Variants in FAM227B observed in about 807,000 individuals in gnomAD.
The protein encoded by FAM227B is family with sequence similarity 227 member B.
A neutral mutation model predicts 73.8 loss-of-function variants in FAM227B; 88 were observed. That is an observed-to-expected ratio of 1.19 (90% CI 1.00 to 1.42). The LOEUF is 1.42. FAM227B is among the 40% of genes most tolerant of loss of function. FAM227B has a pLI of 0.00. For missense variants in FAM227B, 632 were observed against 590.9 expected (o/e 1.07, Z -0.72); for synonymous variants, 210 against 190.5 (o/e 1.10, Z -0.84).
intron 10 of FAM227B, among the ~76,000 whole-genome samples, chr15:49,515,469 T>C (rs1213242586): frequency 6.6e-6 from 1 of 152,224 alleles, no homozygotes; most frequent in African/African-American, 2.4e-5. Flanking sequence ...ATTCTGTTGA[T>C]TGCTTTTTCG....
At chr15:49,589,661 C>A (rs1360670661) in intron 4 of FAM227B, 115 bp downstream of exon 4, 5 of 676,528 alleles carry the variant, frequency 7.4e-6, no homozygotes, top group South Asian at 1.8e-5. Flanking sequence ...GCCTGTAATT[C>A]CAACACTTTT....
chr15:49,596,426 C>T (rs2153286241), intron 3 of FAM227B, among the ~76,000 whole-genome samples: 1 of 151,902 alleles, frequency 6.6e-6, no homozygotes, highest in South Asian at 2.1e-4. Context: ...GAGAGACTAC[C>T]AAGCCAGCAC....
chr15:49,396,729 AG>A (rs993181900), intron 11 of FAM227B, among the ~76,000 whole-genome samples: 4 of 148,948 alleles, frequency 2.7e-5, no homozygotes, highest in African/African-American at 9.7e-5. Context: ...ACCCCCCAGC[AG>A]GGGCACACTG....
At chr15:49,602,118 T>A (rs1339219499) in intron 3 of FAM227B, among the ~76,000 whole-genome samples, 1 of 152,186 alleles carries the variant, frequency 6.6e-6, no homozygotes, top group Non-Finnish European at 1.5e-5. Context: ...AGTGCAGATA[T>A]CTCTTTGACA....
chr15:49,615,083 C>A (rs748372086), intron 2 of FAM227B, 38 bp downstream of exon 2: 1 of 1,585,980 alleles, frequency 6.3e-7, no homozygotes. Context: ...GAAATATAAC[C>A]TTTGTAAGTG....
intron 14 of FAM227B, 108 bp downstream of exon 14, chr15:49,335,311 C>A: frequency 1.5e-6 from 1 of 685,436 alleles, no homozygotes. Context: ...GATGCTCAGA[C>A]ATGACTCTCC....
At chr15:49,476,871 A>T (rs2055372446) in intron 11 of FAM227B, among the ~76,000 whole-genome samples, 1 of 151,998 alleles carries the variant, frequency 6.6e-6, no homozygotes, top group Admixed American at 6.6e-5. Flanking sequence ...CATCCTGGCT[A>T]ACACGGTGAA....
chr15:49,422,990 A>C (rs1217216748), intron 11 of FAM227B: 2 of 292,712 alleles, frequency 6.8e-6, no homozygotes, highest in African/African-American at 4.3e-5. Context: ...CTATATTGCA[A>C]AGAAGGTTTA....
intron 8 of FAM227B, 41 bp from the exon 9 acceptor site, chr15:49,568,387 A>T (rs2074829178): frequency 4.7e-6 from 7 of 1,488,934 alleles, no homozygotes; most frequent in Non-Finnish European, 6.5e-6. Flanking sequence ...ATTACAATTT[A>T]AAACTGGAAT....
chr15:49,475,576 AAAT>A (rs2055184635), intron 11 of FAM227B, among the ~76,000 whole-genome samples: 1 of 152,074 alleles, frequency 6.6e-6, no homozygotes, highest in Admixed American at 6.6e-5. Context: ...TTAACAAATA[AAAT>A]ATTATGCTAA....
chr15:49,606,104 T>C (rs1432360521), intron 3 of FAM227B: 1 of 152,260 alleles, frequency 6.6e-6, no homozygotes, highest in African/African-American at 2.4e-5. Flanking sequence ...TCTTTTCTTA[T>C]TTCTGTGCCA....
chr15:49,429,851 G>C (rs1468671111), intron 11 of FAM227B, among the ~76,000 whole-genome samples: 1 of 151,944 alleles, frequency 6.6e-6, no homozygotes. Flanking sequence ...ATCTCACAAA[G>C]GTGGGAAGGA....
intron 10 of FAM227B, among the ~76,000 whole-genome samples, chr15:49,525,493 A>G (rs2060097806): frequency 6.6e-6 from 1 of 151,642 alleles, no homozygotes; most frequent in Admixed American, 6.6e-5. Context: ...ATGAAAACAG[A>G]CTAATAAACC....
chr15:49,537,594 T>C (rs2070459656), intron 10 of FAM227B, among the ~76,000 whole-genome samples: 1 of 152,146 alleles, frequency 6.6e-6, no homozygotes, highest in South Asian at 2.1e-4. Context: ...GAAATCACCA[T>C]ATCATAAGGG....
At chr15:49,451,501 A>G (rs1268422129) in intron 11 of FAM227B, among the ~76,000 whole-genome samples, 3 of 152,088 alleles carry the variant, frequency 2.0e-5, no homozygotes, top group Non-Finnish European at 4.4e-5. Context: ...TAACATCAAC[A>G]ATGAGATTAA....
intron 5 of FAM227B, among the ~76,000 whole-genome samples, chr15:49,579,289 C>G (rs1429803279): frequency 1.3e-5 from 2 of 152,152 alleles, no homozygotes; most frequent in Non-Finnish European, 2.9e-5. Flanking sequence ...ATTAGTCCAG[C>G]AATCCCACTA....
At chr15:49,492,336 A>C (rs1348466742) in intron 11 of FAM227B, among the ~76,000 whole-genome samples, 1 of 151,910 alleles carries the variant, frequency 6.6e-6, no homozygotes, top group Admixed American at 6.6e-5. Context: ...TAGTGTGTTC[A>C]GCAGTTCACG....
At chr15:49,559,136 A>G (rs1363577875) in intron 9 of FAM227B, among the ~76,000 whole-genome samples, 4 of 152,176 alleles carry the variant, frequency 2.6e-5, no homozygotes, top group Non-Finnish European at 5.9e-5. Flanking sequence ...AGGAGTCATG[A>G]GCCCTGGAAC....
chr15:49,591,029 G>GTTTTTTTTTTTTTTTGTTTTTTTTTT (rs71424023), intron 3 of FAM227B, among the ~76,000 whole-genome samples: 1 of 105,608 alleles, frequency 9.5e-6, no homozygotes, highest in African/African-American at 3.5e-5. Context: ...TCTTTTTTTT[G>GTTTTTTTTTTTTTTTGTTTTTTTTTT]TTTTTTTTTT....
Sources: allele counts gnomAD v4.1 joint callset (sites outside exome capture counted in the v4.1 genomes callset), GRCh38; gene constraint gnomAD v4.1.1; transcripts MANE v1.5; gene names NCBI Gene and HGNC (gene_info 2026-07-23, HGNC 2026-07-21).